The following SLC1A2 variants were observed in gnomAD, a reference collection of about 807,000 sequenced individuals.
SLC1A2 encodes the protein solute carrier family 1 member 2, also known as excitatory amino acid transporter 2.
A neutral mutation model predicts 48.8 loss-of-function variants in SLC1A2; 15 were observed. The observed-to-expected ratio is 0.31, with a 90% CI of 0.21 to 0.47. The LOEUF is 0.47. Among genes scored for constraint, SLC1A2 ranks in the 20% least tolerant of loss-of-function variants. SLC1A2 has a pLI of 0.99. For synonymous variants in SLC1A2, 279 were observed against 272.6 expected (o/e 1.02, Z -0.23); for missense variants, 502 against 730.5 (o/e 0.69, Z 3.61).
intron 1 of SLC1A2, among the ~76,000 whole-genome samples, chr11:35,411,134 T>C (rs1400047343): frequency 1.3e-5 from 2 of 152,262 alleles, no homozygotes; most frequent in East Asian, 1.9e-4. Flanking sequence ...ATTGATGGGA[T>C]TGAGTTCCAG....
intron 1 of SLC1A2, among the ~76,000 whole-genome samples, chr11:35,374,789 A>G (rs908313712): frequency 6.6e-6 from 1 of 150,818 alleles, no homozygotes; most frequent in East Asian, 1.9e-4. Context: ...CTATTATCTT[A>G]TAATTTTGTC....
In SLC1A2 at chr11:35,292,448, A is replaced by C; in HGVS notation, c.930T>G (p.Ala310=). ...IIAIKDLEVV[A]RQLGMYMVTV... ...TTACCATGTACATCCCCAGTTGCCT[A>C]GCAACCACTTCTAAGTCCTTGATTG... Residue 310 remains alanine (A), a synonymous_variant, in exon 7 of 11, where the codon GCT becomes GCG. Coordinates refer to ENST00000278379, the MANE Select transcript of SLC1A2 (RefSeq NM_004171.4). 1 of 1,613,980 alleles carries C rather than the reference A, an allele frequency of 6.2e-7. No homozygotes were observed. Among genetic ancestry groups the C allele is most frequent in the Non-Finnish European group, 8.5e-7 (1 of 1,179,880 alleles).
chr11:35,341,177 G>A (rs1035923158), intron 1 of SLC1A2, among the ~76,000 whole-genome samples: 2 of 152,184 alleles, frequency 1.3e-5, no homozygotes, highest in African/African-American at 2.4e-5. Context: ...GCCCCGAAGT[G>A]CTACATATTA....
In SLC1A2 at chr11:35,374,392, T is replaced by G. The variant is rs1590242633; in HGVS notation, c.17+44558A>C. On this transcript the variant is annotated intron_variant, in intron 1 of 10. Transcript: ENST00000278379. ...GAGAATTACAGAGACCTGGCCTCCC[T>G]AGATCTGGTCACCTGTCTGGAGCAA... 7.6e-6 allele frequency: 5 copies of G among 659,520 alleles called. No homozygotes were observed. In the East Asian group the frequency reaches 2.0e-4, roughly 26 times the overall value. The allele number at this position is 659,520 out of a possible 1,614,324, so 40.9% of individuals were successfully genotyped here.
chr11:35,389,131 A>C (rs1854678776), intron 1 of SLC1A2, among the ~76,000 whole-genome samples: 1 of 148,250 alleles, frequency 6.7e-6, no homozygotes, highest in Non-Finnish European at 1.5e-5. Flanking sequence ...GATGACCAAA[A>C]ACTGAGGGAA....
intron 1 of SLC1A2, among the ~76,000 whole-genome samples, chr11:35,334,121 A>G (rs1401420770): frequency 6.6e-6 from 1 of 152,172 alleles, no homozygotes; most frequent in East Asian, 1.9e-4. Flanking sequence ...TGTCCCTTAG[A>G]TAGGCATGGA....
At chr11:35,290,196 T>C (rs1419316788) in intron 7 of SLC1A2, among the ~76,000 whole-genome samples, 3 of 152,234 alleles carry the variant, frequency 2.0e-5, no homozygotes, top group African/African-American at 7.2e-5. Flanking sequence ...TGCATACCAT[T>C]TGACTCTGAA....
intron 9 of SLC1A2, among the ~76,000 whole-genome samples, chr11:35,270,419 C>A (rs532157274): frequency 5.9e-5 from 9 of 152,148 alleles, no homozygotes; most frequent in Non-Finnish European, 1.3e-4. Flanking sequence ...CTGTTAATAG[C>A]TAAGTAGAAA....
chr11:35,381,782 A>T (rs562136682), intron 1 of SLC1A2, among the ~76,000 whole-genome samples: 1 of 152,180 alleles, frequency 6.6e-6, no homozygotes. Context: ...AACAAAGGGG[A>T]GTACGTATTT....
intron 7 of SLC1A2, chr11:35,291,387 G>A (rs7111043): frequency 0.26 from 39,141 of 151,482 alleles, 5,173 homozygotes; most frequent in Admixed American, 0.3. Flanking sequence ...ACAGACTACC[G>A]AATAGCTGGG....
chr11:35,341,482 A>T lies in SLC1A2; in HGVS notation c.18-23966T>A, dbSNP rs190503309. ...TGTTCCGCTTCCTAAAGTATAATTT[A>T]AAAATATTTTTTTAAAAAAACCTAA... On this transcript the variant is annotated intron_variant, in intron 1 of 10. Transcript: ENST00000278379. 4.1e-4 allele frequency among the ~76,000 whole-genome samples: 63 copies of T among 152,354 alleles called. No individual in the cohort carries two copies. The East Asian group carries it at 5.8e-3, about 14-fold the overall frequency.
At chr11:35,289,728 C>A (rs572355441) in intron 7 of SLC1A2, among the ~76,000 whole-genome samples, 398 of 152,290 alleles carry the variant, frequency 2.6e-3, no homozygotes, top group African/African-American at 9.3e-3. Context: ...TATTCCTAAG[C>A]AAAATCTAAA....
intron 6 of SLC1A2, 106 bp from the exon 7 acceptor site, chr11:35,292,626 C>CA (rs1039499258): frequency 1.6e-5 from 10 of 627,876 alleles, no homozygotes; most frequent in Admixed American, 6.5e-5. Context: ...CTCTTCTGTA[C>CA]AAAAAAAGAC....
At chr11:35,366,955 G>A (rs953726632) in intron 1 of SLC1A2, among the ~76,000 whole-genome samples, 27 of 152,314 alleles carry the variant, frequency 1.8e-4, no homozygotes, top group African/African-American at 6.3e-4. Context: ...CATGGGAGTG[G>A]TTGTTATTGA....
intron 1 of SLC1A2, among the ~76,000 whole-genome samples, chr11:35,346,771 C>T (rs542619060): frequency 3.3e-5 from 5 of 152,290 alleles, no homozygotes; most frequent in South Asian, 2.1e-4. Flanking sequence ...GACAGTGAAG[C>T]GGAGACTCAT....
rs114085155 is a variant in SLC1A2 at position 35,332,371 on chromosome 11, A to G, written c.18-14855T>C. Among the ~76,000 whole-genome samples, 918 of 152,350 alleles carry G rather than the reference A, an allele frequency of 6.0e-3. 7 individuals carry two copies. Among genetic ancestry groups the G allele is most frequent in the African/African-American group, 0.021 (864 of 41,572 alleles). ...TTGGAAGAAAGGCTTGTTCCTGCTC[A>G]ACTCGTAAAGTCTCAAATTTATGCT... On this transcript the variant is annotated intron_variant, in intron 1 of 10. Coordinates refer to ENST00000278379, the MANE Select transcript of SLC1A2 (RefSeq NM_004171.4).
chr11:35,288,771 C>A (rs1293287046), intron 7 of SLC1A2, among the ~76,000 whole-genome samples: 1 of 150,110 alleles, frequency 6.7e-6, no homozygotes, highest in Admixed American at 6.6e-5. Flanking sequence ...CCCAATCAAA[C>A]TAGGAATTGC....
chr11:35,264,063 A>G (rs1277920012), intron 10 of SLC1A2: 1 of 152,248 alleles, frequency 6.6e-6, no homozygotes, highest in Non-Finnish European at 1.5e-5. Flanking sequence ...CTCTAGGTAC[A>G]TCTGAATTTC....
intron 2 of SLC1A2, 50 bp downstream of exon 2, chr11:35,317,327 G>A: frequency 1.3e-6 from 2 of 1,590,116 alleles, no homozygotes; most frequent in Non-Finnish European, 1.7e-6. Flanking sequence ...ACAGAGCCAG[G>A]AGAGTCCCAG....
Sources: gnomAD v4.1 joint callset for allele counts (sites outside exome capture counted in the v4.1 genomes callset) on GRCh38, gnomAD v4.1.1 for gene constraint, MANE v1.5 for transcripts, NCBI Gene and HGNC (gene_info 2026-07-23, HGNC 2026-07-21) for gene names.